The following CDHR3 variants were observed in gnomAD, a reference collection of about 807,000 sequenced individuals.
CDHR3 encodes cadherin-related family member 3.
CDHR3 carries 79 observed loss-of-function variants against 86.6 expected under a neutral mutation model. That is an observed-to-expected ratio of 0.91 (90% confidence interval 0.76 to 1.10). The LOEUF (loss-of-function observed/expected upper bound fraction) is 1.10, where lower values mean the gene tolerates loss of function less well. Among genes scored for constraint, CDHR3 ranks in the 50% least tolerant of loss-of-function variants. CDHR3 has a pLI of 0.00. For missense variants in CDHR3, 1,081 were observed against 1,077.6 expected (o/e 1.00, Z -0.04); for synonymous variants, 421 against 402.4 (o/e 1.05, Z -0.55).
At chr7:106,028,389 G>C in intron 16 of CDHR3, 162 bp from the exon 17 acceptor site, 1 of 768,822 alleles carries the variant, frequency 1.3e-6, no homozygotes, top group Admixed American at 2.1e-5. Flanking sequence ...CTGAGAAGAT[G>C]GAAAGTTGTC....
chr7:105,972,262 C>T (rs1374845299), intron 1 of CDHR3, among the ~76,000 whole-genome samples: 4 of 152,152 alleles, frequency 2.6e-5, no homozygotes, highest in Non-Finnish European at 5.9e-5. Flanking sequence ...TAGCATGATG[C>T]CAGCTGAGCA....
chr7:106,015,751 T>C (rs1835515443), intron 10 of CDHR3, 176 bp from the exon 11 acceptor site: 3 of 660,456 alleles, frequency 4.5e-6, no homozygotes, highest in South Asian at 1.6e-5. Context: ...TGTGTGCTCA[T>C]GCGCTTATCA....
intron 8 of CDHR3, 95 bp from the exon 9 acceptor site, chr7:106,012,765 A>G: frequency 7.7e-7 from 1 of 1,300,968 alleles, no homozygotes; most frequent in Non-Finnish European, 1.1e-6. Context: ...TTTGAATTGC[A>G]GTTAAAGTAG....
intron 8 of CDHR3, among the ~76,000 whole-genome samples, chr7:106,005,977 A>C (rs756591288): frequency 5.9e-5 from 9 of 152,176 alleles, no homozygotes; most frequent in Non-Finnish European, 1.3e-4. Flanking sequence ...TGACTGGGCG[A>C]TTTACAAAAG....
intron 1 of CDHR3, among the ~76,000 whole-genome samples, chr7:105,965,725 A>G (rs1178885632): frequency 6.6e-6 from 1 of 152,170 alleles, no homozygotes; most frequent in Non-Finnish European, 1.5e-5. Context: ...AGCATGAGCT[A>G]TCATACTGTA....
Position 106,015,163 on chromosome 7 carries a change from A to G in CDHR3, c.1277A>G (p.Lys426Arg), listed in dbSNP as rs1356138249. Residue 426 changes from lysine (K) to arginine (R), a missense_variant, in exon 10 of 19, where the codon AAA (lysine) becomes AGA (arginine). By Grantham distance (26) the Lys-to-Arg change is conservative. Transcript: ENST00000317716. ...CCAAGTAACCTAGCAGCCGGCAATA[A>G]ATATACGGTGATAATCCAGGTGCAG... ...ENPSNLAAGN[K>R]YTVIIQVQDV... 4.3e-6 allele frequency: 7 copies of G among 1,611,848 alleles called. No individual in the cohort carries two copies. The highest frequency in any genetic ancestry group is 5.9e-6 in the Non-Finnish European group (7 of 1,179,110).
At position 106,016,028 on chromosome 7, in the gene CDHR3, A is replaced by G; in HGVS notation, c.1426+3A>G. 1 of 1,593,548 alleles carries G rather than the reference A, an allele frequency of 6.3e-7. No homozygotes were observed. The highest frequency in any genetic ancestry group is 8.6e-7 in the Non-Finnish European group (1 of 1,164,664). ...TGATGTGTCAGAAAGAAGGCCCGGT[A>G]AGTAACAGATAAGACACAGACCAGA... On this transcript the variant is annotated splice_donor_region_variant and intron_variant, in intron 11 of 18. Transcript: ENST00000317716.
At chr7:106,031,564 T>TGCC (rs879869896) in intron 18 of CDHR3, among the ~76,000 whole-genome samples, 34 of 152,238 alleles carry the variant, frequency 2.2e-4, no homozygotes, top group Non-Finnish European at 2.9e-4. Context: ...AGTGAGAGGC[T>TGCC]GCCGCCGCCG....
chr7:105,981,084 G>C lies in CDHR3; in HGVS notation c.366G>C (p.Gln122His). 1.2e-6 allele frequency: 2 copies of C among 1,613,702 alleles called. No homozygotes were observed. Among genetic ancestry groups the C allele is most frequent in the Non-Finnish European group, 1.7e-6 (2 of 1,179,790 alleles). Reference sequence around the variant, plus strand: ...CAGACCTGCAAGTCCTGACTGTCCAGGTAACAGATGTGAACGAGCCACCTC... The same window carrying C: ...CAGACCTGCAAGTCCTGACTGTCCACGTAACAGATGTGAACGAGCCACCTC... Reference protein sequence around the residue: ...GVTDLQVLTVQVTDVNEPPQF... With the variant: ...GVTDLQVLTVHVTDVNEPPQF... Residue 122 changes from glutamine to histidine, a missense_variant, in exon 3 of 19, where the codon CAG becomes CAC. Gln to His is a conservative substitution (Grantham distance 24). Coordinates refer to ENST00000317716, the MANE Select transcript of CDHR3 (RefSeq NM_152750.5).
Position 105,984,301 on chromosome 7 carries a change from T to C in CDHR3, c.513+12T>C. 1 of 1,591,182 alleles carries C rather than the reference T, an allele frequency of 6.3e-7. No individual in the cohort carries two copies. The highest frequency in any genetic ancestry group is 8.6e-7 in the Non-Finnish European group (1 of 1,162,728). On this transcript the variant is annotated intron_variant, in intron 4 of 18. Coordinates refer to ENST00000317716, the MANE Select transcript of CDHR3 (RefSeq NM_152750.5). ...ACATTCCCCTCAGTGTAAGTGTCCT[T>C]ATATGGAAGAGGTGGTGTTTGTCCG...
chr7:105,969,675 C>G (rs1827630860), intron 1 of CDHR3, among the ~76,000 whole-genome samples: 1 of 152,226 alleles, frequency 6.6e-6, no homozygotes, highest in Non-Finnish European at 1.5e-5. Context: ...ACAGTGCATT[C>G]TTCCGTCCCA....
chr7:105,963,423 T>A (rs1826342382), intron 1 of CDHR3, 59 bp downstream of exon 1: 1 of 1,528,320 alleles, frequency 6.5e-7, no homozygotes, highest in African/African-American at 1.4e-5. Flanking sequence ...ATAATACCAT[T>A]GAATGACAAT....
At chr7:105,993,629 T>C (rs915230181) in intron 4 of CDHR3, among the ~76,000 whole-genome samples, 2 of 136,538 alleles carry the variant, frequency 1.5e-5, no homozygotes, top group Non-Finnish European at 3.0e-5. Flanking sequence ...TGAGCCATGA[T>C]AGCACCACTG....
intron 12 of CDHR3, among the ~76,000 whole-genome samples, chr7:106,019,422 C>T (rs929369260): frequency 1.3e-5 from 2 of 151,026 alleles, no homozygotes; most frequent in Non-Finnish European, 2.9e-5. Flanking sequence ...TGAATGGACT[C>T]CACTCTGGGG....
Position 105,994,758 on chromosome 7 carries a change from T to C in CDHR3, c.521T>C (p.Leu174Pro). 1.2e-6 allele frequency: 2 copies of C among 1,610,336 alleles called. No homozygotes were observed. The highest frequency in any genetic ancestry group is 1.1e-5 in the South Asian group (1 of 90,062). Residue 174 changes from leucine (L) to proline (P), a missense_variant, in exon 5 of 19, where the codon CTG becomes CCG. Physicochemically the swap from Leu to Pro is moderately conservative, Grantham distance 98. Coordinates refer to ENST00000317716, the MANE Select transcript of CDHR3 (RefSeq NM_152750.5). ...TSRNIPLSYF[L>P]ISPPKSFRMS... Reference sequence around the variant, plus strand: ...TTTTCCCTTGTTTTTTAGTATTTCCTGATTTCTCCCCCAAAGAGCTTCAGA... The same window carrying C: ...TTTTCCCTTGTTTTTTAGTATTTCCCGATTTCTCCCCCAAAGAGCTTCAGA...
intron 10 of CDHR3, among the ~76,000 whole-genome samples, 165 bp downstream of exon 10, chr7:106,015,378 G>A (rs78425931): frequency 3.9e-5 from 6 of 152,150 alleles, no homozygotes; most frequent in African/African-American, 1.4e-4. Context: ...AAGAGTCTTT[G>A]AAGGGAAATG....
chr7:106,024,468 T>A lies in CDHR3; in HGVS notation c.2164T>A (p.Leu722Met), dbSNP rs1452032476. 3.7e-6 allele frequency: 6 copies of A among 1,613,918 alleles called. No homozygotes were observed. The African/African-American group carries it at 6.7e-5, about 18-fold the overall frequency. ...GTTTGTCATCACTTTGGGCTCCATA[T>A]TGCTTCTGGGTCTCCTCGTGTACCT... is the stretch of plus-strand genomic sequence containing the variant. ...VPFVITLGSI[L>M]LLGLLVYLVV... Residue 722 changes from leucine (L) to methionine (M), a missense_variant, in exon 15 of 19, where the codon TTG (leucine) becomes ATG (methionine). Physicochemically the swap from Leu to Met is conservative, Grantham distance 15. Coordinates refer to ENST00000317716, the MANE Select transcript of CDHR3 (RefSeq NM_152750.5).
At chr7:106,027,575 G>T in intron 16 of CDHR3, 1 of 422,806 alleles carries the variant, frequency 2.4e-6, no homozygotes, top group Admixed American at 2.7e-5. Flanking sequence ...AGCAGCTCCA[G>T]GTCTGAGGAG....
intron 11 of CDHR3, 146 bp downstream of exon 11, chr7:106,016,171 T>C (rs1835601954): frequency 3.4e-6 from 2 of 588,712 alleles, no homozygotes; most frequent in African/African-American, 1.9e-5. Flanking sequence ...ATTGCACCTC[T>C]TATTTCTTTT....
Sources: gnomAD v4.1 joint callset for allele counts (sites outside exome capture counted in the v4.1 genomes callset) on GRCh38, gnomAD v4.1.1 for gene constraint, MANE v1.5 for transcripts, NCBI Gene and HGNC (gene_info 2026-07-23, HGNC 2026-07-21) for gene names.